The following LZTFL1 variants were observed in gnomAD, a reference collection of about 807,000 sequenced individuals.
LZTFL1 encodes leucine zipper transcription factor like 1.
LZTFL1 carries 25 observed loss-of-function variants against 45.9 expected under a neutral mutation model. The ratio of observed to expected loss-of-function variants is 0.54; its 90% CI spans 0.40 to 0.76. The LOEUF is 0.76. LZTFL1 is among the 30% of genes least tolerant of loss of function. LZTFL1 has a pLI of 0.00. For missense variants in LZTFL1, 277 were observed against 331.1 expected (o/e 0.84, Z 1.27); for synonymous variants, 93 against 117.4 (o/e 0.79, Z 1.35).
intron 2 of LZTFL1, among the ~76,000 whole-genome samples, chr3:45,868,655 TAG>T (rs1559414260): frequency 6.6e-6 from 1 of 152,220 alleles, no homozygotes; most frequent in African/African-American, 2.4e-5. Context: ...CAGTCAGTGG[TAG>T]GGGGGGTAAA....
At position 45,834,274 on chromosome 3, in the gene LZTFL1, T is replaced by C. The variant is rs371013630; in HGVS notation, c.348A>G (p.Glu116=). The change falls in exon 4 of 10, where the codon GAA becomes GAG. Residue 116 remains glutamate (E), a synonymous_variant. Coordinates refer to ENST00000296135, the MANE Select transcript of LZTFL1 (RefSeq NM_020347.4). ...AAGATGTAATCTCTGCTTTTTCAAA[T>C]TCTGCAACTTGTTCTAATAATTCTC... is the stretch of plus-strand genomic sequence containing the variant. ...ENRELLEQVA[E]FEKAEITSSN... 1.3e-6 allele frequency: 2 copies of C among 1,597,140 alleles called. No individual in the cohort carries two copies. Among genetic ancestry groups the C allele is most frequent in the South Asian group, 2.2e-5 (2 of 90,232 alleles).
intron 2 of LZTFL1, among the ~76,000 whole-genome samples, chr3:45,836,603 C>G (rs548954652): frequency 6.6e-6 from 1 of 152,000 alleles, no homozygotes; most frequent in Non-Finnish European, 1.5e-5. Context: ...TGCAGTGAGC[C>G]GACATCATGC....
At position 45,824,854 on chromosome 3, in the gene LZTFL1, A is replaced by C; in HGVS notation, c.*1460T>G. On this transcript the variant is annotated 3_prime_UTR_variant, in exon 10 of 10. Coordinates refer to ENST00000296135, the MANE Select transcript of LZTFL1 (RefSeq NM_020347.4). ...AACAAAAGCTCCAAAAGGGCACAGA[A>C]ACTGGTAAGTGACCTAAATATGGAG... 1 of 398,454 alleles carries C rather than the reference A, an allele frequency of 2.5e-6. No individual in the cohort carries two copies. The highest frequency in any genetic ancestry group is 3.6e-5 in the East Asian group (1 of 28,044). 24.7% of individuals were successfully genotyped at this position (398,454 alleles called of 1,614,324 possible).
At position 45,833,082 on chromosome 3, in the gene LZTFL1, T is replaced by C. The variant is rs772821059; in HGVS notation, c.424A>G (p.Asn142Asp). 6.2e-7 allele frequency: 1 copy of C among 1,613,766 alleles called. No individual in the cohort carries two copies. The highest frequency in any genetic ancestry group is 8.5e-7 in the Non-Finnish European group (1 of 1,179,742). Residue 142 changes from asparagine to aspartate, a missense_variant, in exon 5 of 10, where the codon AAT (asparagine) becomes GAT (aspartate). Coordinates refer to ENST00000296135, the MANE Select transcript of LZTFL1 (RefSeq NM_020347.4). ...AGGAGTTCTGCTGTTCCACCTTCAT[T>C]AAGTGGAGCAAGTTTTGGCTTTGTG... ...DVTKPKLAPL[N>D]EGGTAELLNK...
At chr3:45,907,372 C>G (rs1702703351) in intron 2 of LZTFL1, among the ~76,000 whole-genome samples, 1 of 152,240 alleles carries the variant, frequency 6.6e-6, no homozygotes, top group Non-Finnish European at 1.5e-5. Flanking sequence ...AACACTGTGC[C>G]TGCTCCACCA....
chr3:45,837,916 T>G lies in LZTFL1; in HGVS notation c.128+11A>C. On this transcript the variant is annotated intron_variant, in intron 2 of 9. Coordinates refer to ENST00000296135, the MANE Select transcript of LZTFL1 (RefSeq NM_020347.4). ...TTCCTATTTGGTTTGCTTAGAGTCCTCCTCTGATACCTGCTCTCCTTGAGG... is the reference window on the plus strand; with the variant it reads ...TTCCTATTTGGTTTGCTTAGAGTCCGCCTCTGATACCTGCTCTCCTTGAGG... The G allele has an allele frequency of 6.3e-7, 1 of 1,599,576 alleles. No individual in the cohort carries two copies. Among genetic ancestry groups the G allele is most frequent in the Non-Finnish European group, 8.5e-7 (1 of 1,175,576 alleles).
At chr3:45,855,091 C>G (rs114676647) in intron 3 of LZTFL1, 2 of 1,441,414 alleles carry the variant, frequency 1.4e-6, no homozygotes, top group African/African-American at 1.4e-5. Flanking sequence ...AATGAGAGTT[C>G]GAGTTAAAAA....
At chr3:45,895,960 A>C (rs1702341634) in intron 2 of LZTFL1, among the ~76,000 whole-genome samples, 1 of 152,342 alleles carries the variant, frequency 6.6e-6, no homozygotes, top group African/African-American at 2.4e-5. Context: ...CTCACAGTAC[A>C]TTGTGGGTTT....
At chr3:45,841,597 A>C (rs1701115836) in intron 1 of LZTFL1, 1 of 256,440 alleles carries the variant, frequency 3.9e-6, no homozygotes. Flanking sequence ...CGTATGTGTT[A>C]ATGTGTGTGT....
At chr3:45,882,025 G>A (rs564145658) in intron 2 of LZTFL1, among the ~76,000 whole-genome samples, 2 of 152,328 alleles carry the variant, frequency 1.3e-5, no homozygotes, top group Non-Finnish European at 2.9e-5. Flanking sequence ...ATGTTCACTA[G>A]CTATATGTGG....
chr3:45,909,143 A>G (rs559564390), intron 2 of LZTFL1, among the ~76,000 whole-genome samples: 1 of 152,292 alleles, frequency 6.6e-6, no homozygotes, highest in African/African-American at 2.4e-5. Flanking sequence ...TTGCAGGAAA[A>G]CAAGCTCAGG....
chr3:45,845,253 G>C (rs569592546), upstream of LZTFL1, among the ~76,000 whole-genome samples: 14 of 152,334 alleles, frequency 9.2e-5, no homozygotes, highest in Middle Eastern at 3.4e-3. Flanking sequence ...TAATGAACAA[G>C]ATGGGATTGG....
intron 2 of LZTFL1, among the ~76,000 whole-genome samples, chr3:45,911,199 G>A (rs1164664653): frequency 3.3e-5 from 5 of 152,154 alleles, no homozygotes; most frequent in Non-Finnish European, 5.9e-5. Context: ...AGGGACTCGA[G>A]ACTCCACCTC....
rs566736435 is a variant in LZTFL1 at position 45,824,972 on chromosome 3, C to T, written c.*1342G>A. 1 of 398,212 alleles carries T rather than the reference C, an allele frequency of 2.5e-6. No homozygotes were observed. Among genetic ancestry groups the T allele is most frequent in the East Asian group, 3.6e-5 (1 of 28,030 alleles). The allele number at this position is 398,212 out of a possible 1,614,324, so 24.7% of individuals were successfully genotyped here. A position where few individuals can be genotyped will look rare whatever the true frequency, so the allele number is the denominator to read the frequency against. On this transcript the variant is annotated 3_prime_UTR_variant, in exon 10 of 10. Transcript: ENST00000296135. ...CATCCATTCATCTTCTTAAGACTGC[C>T]TTCTGTGTCCTTTTGCAGGGAAATT...
rs142295091 is a variant in LZTFL1 at position 45,892,669 on chromosome 3, G to C, written c.-215+20451C>G. ...TCTATACACCAAGCCCCCATGACGC[G>C]CAATTTACCTATATGACAAACCTGC... is the stretch of plus-strand genomic sequence containing the variant. On this transcript the variant is annotated intron_variant, in intron 2 of 4. Coordinates refer to the LZTFL1 transcript ENST00000472635. 3.9e-5 allele frequency among the ~76,000 whole-genome samples: 6 copies of C among 152,078 alleles called. 1 individual carries two copies. The South Asian group carries it at 1.2e-3, about 32-fold the overall frequency.
intron 2 of LZTFL1, among the ~76,000 whole-genome samples, chr3:45,877,732 C>T (rs1701772568): frequency 6.7e-6 from 1 of 148,810 alleles, no homozygotes; most frequent in Non-Finnish European, 1.5e-5. Flanking sequence ...TAATTTATTT[C>T]ATTTATTAGT....
Position 45,901,844 on chromosome 3 carries a change from C to T in LZTFL1, c.-215+11276G>A. ...TTTCATTTACAAGGAGAGAGGGAAG[C>T]TTGAAGCTGTCGTCTATGTTGCTGG... is the stretch of plus-strand genomic sequence containing the variant. On this transcript the variant is annotated intron_variant, in intron 2 of 4. Transcript: ENST00000472635. The surrounding 1 kb of genome is among the most constrained non-coding windows in gnomAD (Gnocchi z 4.3). 4 of 1,612,312 alleles carry T rather than the reference C, an allele frequency of 2.5e-6. No individual in the cohort carries two copies. The highest frequency in any genetic ancestry group is 1.1e-5 in the South Asian group (1 of 91,038).
At chr3:45,890,306 T>TATATATATAAATATATATAAC (rs1553616524) in intron 2 of LZTFL1, among the ~76,000 whole-genome samples, 1 of 15,468 alleles carries the variant, frequency 6.5e-5, no homozygotes, top group African/African-American at 5.6e-4. Flanking sequence ...ATATATAACA[T>TATATATATAAATATATATAAC]ATATATATAT....
In LZTFL1 at chr3:45,831,154, C is replaced by T. The variant is rs778037165; in HGVS notation, c.457-16G>A. ...TTAAAATTTCCTTTGTGAGTAAATT[C>T]AAATTTTATTATATTAACCAAAATA... On this transcript the variant is annotated splice_polypyrimidine_tract_variant and intron_variant, in intron 5 of 9. Transcript: ENST00000296135. The T allele has an allele frequency of 3.5e-6, 5 of 1,432,152 alleles. No homozygotes were observed. In the Admixed American group the frequency reaches 1.1e-4, roughly 30 times the overall value. 88.7% of individuals were successfully genotyped at this position (1,432,152 alleles called of 1,614,324 possible).
Sources: gnomAD v4.1 joint callset for allele counts (sites outside exome capture counted in the v4.1 genomes callset) on GRCh38, gnomAD v4.1.1 for gene constraint, Gnocchi (gnomAD v3.1) non-coding constraint, MANE v1.5 for transcripts, NCBI Gene and HGNC (gene_info 2026-07-23, HGNC 2026-07-21) for gene names.